Variants in KNDC1 observed in about 807,000 individuals in gnomAD.
KNDC1 encodes the protein kinase non-catalytic C-lobe domain-containing protein 1.
In KNDC1, 106 loss-of-function variants were observed where a neutral mutation model predicts 172.8. The observed-to-expected ratio is 0.61, with a 90% CI of 0.52 to 0.72. The LOEUF is 0.72. KNDC1 is among the 30% of genes least tolerant of loss of function. The pLI is 0.00. For synonymous variants in KNDC1, 1,083 were observed against 1,062.2 expected, an observed-to-expected ratio of 1.02 and a Z score of -0.38; for missense variants, 2,325 against 2,394.5, an observed-to-expected ratio of 0.97 and a Z score of 0.61.
At chr10:133,210,532 A>G in intron 20 of KNDC1, 79 bp from the exon 21 acceptor site, 1 of 831,238 alleles carries the variant, frequency 1.2e-6, no homozygotes, top group East Asian at 2.4e-5. Flanking sequence ...ACATACAGTC[A>G]CACCCCACCA....
Position 133,186,299 on chromosome 10 carries a change from G to A in KNDC1, c.951G>A (p.Glu317=). 1.2e-6 allele frequency: 2 copies of A among 1,611,876 alleles called. No homozygotes were observed. Among genetic ancestry groups the A allele is most frequent in the Non-Finnish European group, 1.7e-6 (2 of 1,179,644 alleles). ...TFPRLLSDSP[E]ATLCLPLTRG... The stretch of plus-strand genomic sequence containing the variant: ...CTAGGCTGCTGTCCGACAGCCCCGA[G>A]GCCACCCTCTGCCTGCCGCTGACCC... Residue 317 remains glutamate (E), a synonymous_variant, in exon 6 of 30, where the codon GAG becomes GAA. Transcript: ENST00000304613.
At position 133,199,222 on chromosome 10, in the gene KNDC1, C is replaced by A; in HGVS notation, c.2714C>A (p.Ala905Asp). The A allele has an allele frequency of 6.4e-7, 1 of 1,573,276 alleles. No homozygotes were observed. Among genetic ancestry groups the A allele is most frequent in the Non-Finnish European group, 8.6e-7 (1 of 1,159,188 alleles). ...ACGCGCCTCATCCAGGAGGAATTTG[C>A]CTTCGATGGCTACCTGGACAATGGG... The part of the protein sequence containing the change: ...EATRLIQEEF[A>D]FDGYLDNGLE... Residue 905 changes from alanine (A) to aspartate (D), a missense_variant, in exon 14 of 30, where the codon GCC (alanine) becomes GAC (aspartate). Transcript: ENST00000304613.
chr10:133,205,907 A>C (rs867193651), intron 17 of KNDC1, among the ~76,000 whole-genome samples: 16 of 152,146 alleles, frequency 1.1e-4, no homozygotes, highest in African/African-American at 2.9e-4. Context: ...AAAGTCAATA[A>C]AAATAAAAAA....
At chr10:133,177,298 T>C (rs2135961813) in intron 3 of KNDC1, among the ~76,000 whole-genome samples, 1 of 152,328 alleles carries the variant, frequency 6.6e-6, no homozygotes. Flanking sequence ...TGTGTGCATC[T>C]ATGTAGTGTG....
intron 29 of KNDC1, among the ~76,000 whole-genome samples, chr10:133,220,872 C>T (rs1168679900): frequency 3.3e-5 from 5 of 151,988 alleles, no homozygotes; most frequent in African/African-American, 1.2e-4. Flanking sequence ...CAGATGGGCG[C>T]ATGCCCAGGT....
At position 133,186,577 on chromosome 10, in the gene KNDC1, C is replaced by A. The variant is rs1421543822; in HGVS notation, c.1229C>A (p.Ala410Glu). 1 of 1,607,514 alleles carries A rather than the reference C, an allele frequency of 6.2e-7. No homozygotes were observed. Among genetic ancestry groups the A allele is most frequent in the Non-Finnish European group, 8.5e-7 (1 of 1,179,892 alleles). Residue 410 changes from alanine (A) to glutamate (E), a missense_variant, in exon 6 of 30, where the codon GCA becomes GAA. Transcript: ENST00000304613. ...AGCCAGGGGCCAGCAGAGGCCCCTG[C>A]AGACCCTCGAGATGCTAGCGGTGAA... is the stretch of plus-strand genomic sequence containing the variant. ...HPSQGPAEAPADPRDASGEAQ... is the reference protein window; with the variant it reads ...HPSQGPAEAPEDPRDASGEAQ...
At chr10:133,177,567 A>G (rs548718945) in intron 3 of KNDC1, among the ~76,000 whole-genome samples, 6 of 150,410 alleles carry the variant, frequency 4.0e-5, no homozygotes, top group East Asian at 2.0e-4. Context: ...TTGCATGTGT[A>G]CATGCATGTG....
At chr10:133,186,710 C>G (rs775049092) in intron 6 of KNDC1, 36 bp downstream of exon 6, 20 of 1,491,832 alleles carry the variant, frequency 1.3e-5, no homozygotes, top group Non-Finnish European at 1.7e-5. Flanking sequence ...GTGGAGGGGT[C>G]GGCGGTCAGT....
In KNDC1 at chr10:133,186,303, A is replaced by G. The variant is rs527551175; in HGVS notation, c.955A>G (p.Thr319Ala). The change falls in exon 6 of 30, where the codon ACC becomes GCC. Residue 319 changes from threonine (T) to alanine (A), a missense_variant. Physicochemically the swap from Thr to Ala is moderately conservative, Grantham distance 58. Coordinates refer to ENST00000304613, the MANE Select transcript of KNDC1 (RefSeq NM_152643.8). ...PRLLSDSPEA[T>A]LCLPLTRGKS... ...GCTGCTGTCCGACAGCCCCGAGGCC[A>G]CCCTCTGCCTGCCGCTGACCCGCGG... 2.5e-6 allele frequency: 4 copies of G among 1,611,788 alleles called. No individual in the cohort carries two copies. In the African/African-American group the frequency reaches 4.0e-5, roughly 16 times the overall value.
rs200607119 is a variant in KNDC1, at chr10:133,195,401, T to C, written c.1576-262T>C. Among the ~76,000 whole-genome samples, 6 of 152,298 alleles carry C rather than the reference T, an allele frequency of 3.9e-5. No individual in the cohort carries two copies. The East Asian group carries it at 5.8e-4, about 15-fold the overall frequency. On this transcript the variant is annotated intron_variant, in intron 9 of 29. Coordinates refer to ENST00000304613, the MANE Select transcript of KNDC1 (RefSeq NM_152643.8). ...GAGAGTGGAAGGTGGGAAAGTCCAG[T>C]TGAGGCTTCCAACCCTCTGGTGTTT...
intron 3 of KNDC1, chr10:133,174,351 A>G (rs1432600004): frequency 6.6e-6 from 1 of 152,056 alleles, no homozygotes; most frequent in Non-Finnish European, 1.5e-5. Context: ...GGGAACTTCC[A>G]ACACGGAAGG....
chr10:133,181,652 C>G (rs1162220052), intron 3 of KNDC1, among the ~76,000 whole-genome samples: 1 of 152,098 alleles, frequency 6.6e-6, no homozygotes, highest in Non-Finnish European at 1.5e-5. Flanking sequence ...AGGCATGGGA[C>G]AGAGAAGGTC....
Position 133,198,537 on chromosome 10 carries a change from C to A in KNDC1, c.2069+38C>A, listed in dbSNP as rs762928162. 3 of 1,580,584 alleles carry A rather than the reference C, an allele frequency of 1.9e-6. No homozygotes were observed. In the East Asian group the frequency reaches 6.8e-5, roughly 36 times the overall value. On this transcript the variant is annotated intron_variant, in intron 13 of 29. Coordinates refer to ENST00000304613, the MANE Select transcript of KNDC1 (RefSeq NM_152643.8). ...CCCACACCCCGGAGCTGCTGGGTCC[C>A]GGGCGCAGGCAGCCCCTCCTGAGCT... is the stretch of plus-strand genomic sequence containing the variant.
chr10:133,202,040 G>A, intron 17 of KNDC1, 142 bp downstream of exon 17: 1 of 993,538 alleles, frequency 1.0e-6, no homozygotes, highest in Non-Finnish European at 1.5e-6. Context: ...CCCACCCCGT[G>A]GCTGTCAAGA....
At position 133,210,657 on chromosome 10, in the gene KNDC1, C is replaced by T. The variant is rs1319764542; in HGVS notation, c.3841C>T (p.Arg1281Cys). Residue 1281 changes from arginine (R) to cysteine (C), a missense_variant, in exon 21 of 30, where the codon CGC (arginine) becomes TGC (cysteine). Physicochemically the swap from Arg to Cys is radical, Grantham distance 180. Transcript: ENST00000304613. The stretch of plus-strand genomic sequence containing the variant: ...TGTGCAGCAATTCCTCTACACCTTC[C>T]GCTACTTCTGCACACCCCACGACTT... Reference protein sequence around the residue: ...GYVQQFLYTFRYFCTPHDFLH... With the variant: ...GYVQQFLYTFCYFCTPHDFLH... 2.5e-6 allele frequency: 4 copies of T among 1,613,970 alleles called. No homozygotes were observed. The highest frequency in any genetic ancestry group is 1.7e-5 in the Admixed American group (1 of 59,996).
chr10:133,207,313 C>T lies in KNDC1; in HGVS notation c.3756C>T (p.Ala1252=), dbSNP rs780524402. ...GGCAGAAGGCCCGCATCCTGCAGGC[C>T]GGCACGCCGCTGGGGCTCATGGCCT... is the stretch of plus-strand genomic sequence containing the variant. The part of the protein sequence containing the change: ...GGRQKARILQ[A]GTPLGLMAYL... Residue 1252 remains alanine (A), a synonymous_variant, in exon 20 of 30, where the codon GCC becomes GCT. Coordinates refer to ENST00000304613, the MANE Select transcript of KNDC1 (RefSeq NM_152643.8). 25 of 1,612,684 alleles carry T rather than the reference C, an allele frequency of 1.6e-5. No individual in the cohort carries two copies. In the African/African-American group the frequency reaches 1.6e-4, roughly 10 times the overall value.
rs1050024396 is a variant in KNDC1, at chr10:133,163,135, C to G, written c.102+2566C>G. Among the ~76,000 whole-genome samples the G allele has an allele frequency of 8.5e-5, 13 of 152,186 alleles. No individual in the cohort carries two copies. Among genetic ancestry groups the G allele is most frequent in the Non-Finnish European group, 1.8e-4 (12 of 68,042 alleles). On this transcript the variant is annotated intron_variant, in intron 1 of 29. Transcript: ENST00000304613. This position sits in a 1 kb window ranked among gnomAD's most constrained non-coding sequence, Gnocchi z 4.4. Reference sequence around the variant, plus strand: ...TGCAATCCAGGCAGAACAGCGGCTGCAGAAGAGGCACACAGTCCAGGCGGC... The same window carrying G: ...TGCAATCCAGGCAGAACAGCGGCTGGAGAAGAGGCACACAGTCCAGGCGGC...
intron 3 of KNDC1, among the ~76,000 whole-genome samples, chr10:133,177,907 T>TGTG (rs138726718): frequency 0.8 from 119,760 of 150,372 alleles, 47,918 homozygotes; most frequent in Middle Eastern, 0.89. Flanking sequence ...GTGTGTGCAG[T>TGTG]GTGTGTGTGC....
At position 133,185,992 on chromosome 10, in the gene KNDC1, G is replaced by A. The variant is rs1244344369; in HGVS notation, c.644G>A (p.Trp215Ter). 2.0e-6 allele frequency: 3 copies of A among 1,487,106 alleles called. No homozygotes were observed. Among genetic ancestry groups the A allele is most frequent in the Non-Finnish European group, 2.7e-6 (3 of 1,107,462 alleles). 92.1% of individuals were successfully genotyped at this position (1,487,106 alleles called of 1,614,324 possible). Residue 215 changes from tryptophan to a stop codon, truncating the protein, a stop_gained, in exon 6 of 30, where the codon TGG (tryptophan) becomes TAG (stop). Coordinates refer to ENST00000304613, the MANE Select transcript of KNDC1 (RefSeq NM_152643.8). LOFTEE classifies it high-confidence loss of function. ...TGCCCAGATGTCAGCGAGAGCAGCT[G>A]GCGGGAGAGACCTGCCCCAGGAAAC... ...GALQDVSESSWRERPAPGNAG... is the reference protein window; with the variant it reads ...GALQDVSESS
Sources: gnomAD v4.1 joint callset for allele counts (sites outside exome capture counted in the v4.1 genomes callset) on GRCh38, gnomAD v4.1.1 for gene constraint, Gnocchi (gnomAD v3.1) non-coding constraint, MANE v1.5 for transcripts, NCBI Gene and HGNC (gene_info 2026-07-23, HGNC 2026-07-21) for gene names.